ENOX2: variants seen among roughly 807,000 people sequenced by gnomAD.
ENOX2 encodes ecto-NOX disulfide-thiol exchanger 2, also known as APK1 antigen.
In ENOX2, 36 loss-of-function variants were observed where a neutral mutation model predicts 45.0. The observed-to-expected ratio is 0.80, with a 90% CI of 0.61 to 1.06. ENOX2 has a LOEUF of 1.06. ENOX2 is among the 50% of genes least tolerant of loss of function. ENOX2 has a pLI of 0.00. For synonymous variants in ENOX2, 174 were observed against 152.3 expected, an observed-to-expected ratio of 1.14 and a Z score of -1.05; for missense variants, 423 against 462.5, an observed-to-expected ratio of 0.91 and a Z score of 0.78.
intron 3 of ENOX2, among the ~76,000 whole-genome samples, chrX:130,729,402 A>T (rs1281562247): frequency 8.9e-6 from 1 of 112,006 alleles, no homozygotes; most frequent in Non-Finnish European, 1.9e-5. Flanking sequence ...TACCATCATA[A>T]TTTTTATATT....
intron 2 of ENOX2, among the ~76,000 whole-genome samples, chrX:130,801,027 A>G (rs1162556956): frequency 8.9e-6 from 1 of 112,371 alleles, no homozygotes; most frequent in Non-Finnish European, 1.9e-5. Flanking sequence ...TCCAATCACT[A>G]TGTTCAACAC....
At chrX:130,845,037 A>T (rs1350253914) in intron 2 of ENOX2, among the ~76,000 whole-genome samples, 2 of 111,945 alleles carry the variant, frequency 1.8e-5, no homozygotes, top group Non-Finnish European at 3.8e-5. Context: ...CAGATATTAA[A>T]CTCATATTTA....
At chrX:130,817,367 G>A (rs145621268) in intron 2 of ENOX2, among the ~76,000 whole-genome samples, 2,031 of 111,764 alleles carry the variant, frequency 0.018, 65 homozygotes, top group African/African-American at 0.063. Flanking sequence ...CATTCCTTCT[G>A]TAACTATTCC....
chrX:130,786,853 G>A (rs12853051), intron 2 of ENOX2, among the ~76,000 whole-genome samples: 1,537 of 78,141 alleles, frequency 0.02, 21 homozygotes, highest in Middle Eastern at 0.038. Flanking sequence ...GAATAGTGCC[G>A]CAATAAACAT....
intron 4 of ENOX2, among the ~76,000 whole-genome samples, chrX:130,691,812 GCC>G (rs1174248998): frequency 2.2e-4 from 25 of 112,286 alleles, no homozygotes; most frequent in Middle Eastern, 4.6e-3. Flanking sequence ...AACAAGTTCT[GCC>G]ACTTTGGCTG....
intron 9 of ENOX2, among the ~76,000 whole-genome samples, chrX:130,657,503 A>C (rs2036578519): frequency 1.8e-5 from 2 of 112,074 alleles, no homozygotes; most frequent in South Asian, 7.5e-4. Flanking sequence ...GAAAGGAGAC[A>C]ATAGAGGCAG....
At chrX:130,843,289 C>A (rs1048633163) in intron 2 of ENOX2, among the ~76,000 whole-genome samples, 1 of 111,119 alleles carries the variant, frequency 9.0e-6, no homozygotes. Context: ...CCGAGCCCTA[C>A]GGACTCTACC....
At chrX:130,764,869 T>C in intron 3 of ENOX2, among the ~76,000 whole-genome samples, 1 of 112,042 alleles carries the variant, frequency 8.9e-6, no homozygotes, top group East Asian at 2.8e-4. Flanking sequence ...AGTGGATTTA[T>C]AAAAGGTTGA....
chrX:130,896,596 T>C (rs2079061483), intron 2 of ENOX2, among the ~76,000 whole-genome samples: 1 of 112,084 alleles, frequency 8.9e-6, no homozygotes, highest in African/African-American at 3.2e-5. Flanking sequence ...TGCTTTCACA[T>C]AGTAAGCCTA....
At chrX:130,665,559 A>T in intron 9 of ENOX2, 84 bp downstream of exon 9, 1 of 653,202 alleles carries the variant, frequency 1.5e-6, no homozygotes, top group Non-Finnish European at 2.4e-6. Flanking sequence ...GGCACTATTT[A>T]ATTCTGGCTA....
At chrX:130,853,463 CA>C (rs754949787) in intron 2 of ENOX2, among the ~76,000 whole-genome samples, 900 of 27,962 alleles carry the variant, frequency 0.032, 5 homozygotes, top group African/African-American at 0.1. Context: ...GACTCCGTCT[CA>C]AAAAAAAAAA....
chrX:130,893,459 A>G (rs1016760090), intron 2 of ENOX2, among the ~76,000 whole-genome samples: 1 of 112,758 alleles, frequency 8.9e-6, no homozygotes, highest in Non-Finnish European at 1.9e-5. Flanking sequence ...TAAGTAATGG[A>G]ATGCCAAAGC....
chrX:130,718,079 CTCTA>C (rs959639849), intron 3 of ENOX2, among the ~76,000 whole-genome samples: 2 of 110,784 alleles, frequency 1.8e-5, no homozygotes, highest in Non-Finnish European at 3.8e-5. Context: ...CTCTCTCTTT[CTCTA>C]TCTACCTTCC....
In ENOX2 at chrX:130,622,402, T is replaced by C. The variant is rs1339673709; in HGVS notation, c.*2912A>G. Among the ~76,000 whole-genome samples the C allele has an allele frequency of 8.9e-6, 1 of 111,954 alleles. No homozygotes were observed. The highest frequency in any genetic ancestry group is 1.9e-5 in the Non-Finnish European group (1 of 53,254). ...TGGGGCCAAAATTAAAAAAAAACTCTATATAACTTGAATGCAGATGTGTCT... is the reference window on the plus strand; with the variant it reads ...TGGGGCCAAAATTAAAAAAAAACTCCATATAACTTGAATGCAGATGTGTCT... On this transcript the variant is annotated 3_prime_UTR_variant, in exon 15 of 15. Coordinates refer to ENST00000394363, the MANE Select transcript of ENOX2 (RefSeq NM_006375.4).
At chrX:130,703,438 G>T (rs370284049) in intron 3 of ENOX2, among the ~76,000 whole-genome samples, 184 bp from the exon 4 acceptor site, 205 of 111,835 alleles carry the variant, frequency 1.8e-3, no homozygotes, top group African/African-American at 6.2e-3. Context: ...CTGGCAGGAA[G>T]TCATGGAATT....
At chrX:130,864,111 GGTGTGA>G (rs2078452894) in intron 2 of ENOX2, among the ~76,000 whole-genome samples, 1 of 109,308 alleles carries the variant, frequency 9.1e-6, no homozygotes, top group South Asian at 4.0e-4. Flanking sequence ...AAATCATATA[GGTGTGA>G]GTGTATATAT....
At chrX:130,708,238 C>T (rs1280886757) in intron 3 of ENOX2, among the ~76,000 whole-genome samples, 15 of 111,461 alleles carry the variant, frequency 1.3e-4, no homozygotes, top group East Asian at 2.8e-4. Context: ...TCATATTGAG[C>T]GCTCAATAAA....
At chrX:130,817,945 G>T (rs963095708) in intron 2 of ENOX2, among the ~76,000 whole-genome samples, 8 of 111,529 alleles carry the variant, frequency 7.2e-5, no homozygotes, top group Non-Finnish European at 1.5e-4. Context: ...AGAAATAAAG[G>T]GTATTCAAAT....
At chrX:130,808,424 G>A (rs887565249) in intron 2 of ENOX2, among the ~76,000 whole-genome samples, 1 of 111,176 alleles carries the variant, frequency 9.0e-6, no homozygotes, top group Non-Finnish European at 1.9e-5. Context: ...TCTAATCTTG[G>A]GATATAAAGG....
Sources: allele counts gnomAD v4.1 joint callset (sites outside exome capture counted in the v4.1 genomes callset), GRCh38; gene constraint gnomAD v4.1.1; transcripts MANE v1.5; gene names NCBI Gene and HGNC (gene_info 2026-07-23, HGNC 2026-07-21).